Variants in CTNNA2 observed in about 807,000 individuals in gnomAD.
The protein encoded by CTNNA2 is catenin alpha-2.
In CTNNA2, 42 loss-of-function variants were observed where a neutral mutation model predicts 101.0. That is an observed-to-expected ratio of 0.42 (90% CI 0.32 to 0.54). The LOEUF is 0.54. Among genes scored for constraint, CTNNA2 ranks in the 20% least tolerant of loss-of-function variants. The pLI, the probability that CTNNA2 is intolerant of heterozygous loss-of-function variation, is 0.14. For synonymous variants in CTNNA2, 450 were observed against 456.4 expected (o/e 0.99, Z 0.18); for missense variants, 871 against 1,223.1 (o/e 0.71, Z 4.29).
chr2:80,353,841 A>G (rs1673535986), intron 7 of CTNNA2, among the ~76,000 whole-genome samples: 1 of 152,196 alleles, frequency 6.6e-6, no homozygotes. Context: ...ACTAAATAAT[A>G]TCTTAGTGGC....
intron 6 of CTNNA2, among the ~76,000 whole-genome samples, chr2:79,875,993 A>G (rs938378143): frequency 1.3e-5 from 2 of 150,756 alleles, no homozygotes; most frequent in Non-Finnish European, 2.9e-5. Flanking sequence ...TTATTTTATT[A>G]TTTCTTATAT....
intron 9 of CTNNA2, among the ~76,000 whole-genome samples, chr2:80,450,139 G>T (rs1345150899): frequency 6.6e-6 from 1 of 152,084 alleles, no homozygotes; most frequent in Non-Finnish European, 1.5e-5. Flanking sequence ...CAGAACACTA[G>T]TTCTTAAGAT....
intron 3 of CTNNA2, among the ~76,000 whole-genome samples, chr2:79,765,103 T>C (rs1673051376): frequency 6.6e-6 from 1 of 152,172 alleles, no homozygotes; most frequent in African/African-American, 2.4e-5. Context: ...TTTAATAAGT[T>C]TTTGGTTTGT....
At chr2:80,094,834 T>G (rs28874320) in intron 7 of CTNNA2, among the ~76,000 whole-genome samples, 24,075 of 152,148 alleles carry the variant, frequency 0.16, 2,079 homozygotes, top group South Asian at 0.37. Flanking sequence ...TAAGAATGCT[T>G]GTGATTTTTG....
intron 18 of CTNNA2, among the ~76,000 whole-genome samples, chr2:80,640,607 C>T (rs1300695824): frequency 6.6e-6 from 1 of 152,124 alleles, no homozygotes; most frequent in East Asian, 1.9e-4. Flanking sequence ...GCAGGTATTT[C>T]AAGATATTTC....
chr2:79,982,250 ATGTAC>A (rs1186693610), intron 7 of CTNNA2, among the ~76,000 whole-genome samples: 2 of 91,050 alleles, frequency 2.2e-5, no homozygotes, highest in African/African-American at 9.5e-5. Context: ...ATGTATGTAT[ATGTAC>A]ACACACACAT....
At chr2:80,352,601 G>T (rs1420874248) in intron 7 of CTNNA2, among the ~76,000 whole-genome samples, 2 of 152,046 alleles carry the variant, frequency 1.3e-5, no homozygotes, top group African/African-American at 4.8e-5. Flanking sequence ...TAAATACTTT[G>T]CTTCTAAGAA....
chr2:80,184,391 G>A (rs530730275), intron 7 of CTNNA2, among the ~76,000 whole-genome samples: 1 of 152,166 alleles, frequency 6.6e-6, no homozygotes, highest in East Asian at 1.9e-4. Flanking sequence ...ACAGTGCTTA[G>A]GGCTTTGATG....
chr2:79,215,302 T>A (rs1572982768), intron 2 of CTNNA2, among the ~76,000 whole-genome samples: 1 of 152,150 alleles, frequency 6.6e-6, no homozygotes, highest in Admixed American at 6.5e-5. Flanking sequence ...GAGGCGGGCC[T>A]GGAGGAACGC....
At chr2:80,335,828 G>T (rs994575053) in intron 7 of CTNNA2, among the ~76,000 whole-genome samples, 1 of 152,104 alleles carries the variant, frequency 6.6e-6, no homozygotes, top group Non-Finnish European at 1.5e-5. Flanking sequence ...GAAAATAATA[G>T]GTTATTAGAC....
At chr2:80,613,568 C>T (rs1029682893) in intron 17 of CTNNA2, among the ~76,000 whole-genome samples, 16 of 151,134 alleles carry the variant, frequency 1.1e-4, no homozygotes, top group South Asian at 4.1e-4. Flanking sequence ...GAAAGTGACT[C>T]TTCAGTTACA....
At chr2:80,069,706 G>A (rs573780427) in intron 7 of CTNNA2, among the ~76,000 whole-genome samples, 18 of 151,212 alleles carry the variant, frequency 1.2e-4, no homozygotes, top group South Asian at 6.3e-4. Flanking sequence ...ATATATGTAC[G>A]TGTGTGTGTG....
rs147697255 is a variant in CTNNA2, at chr2:79,430,556, T to C, written c.-135+56543T>C. The stretch of plus-strand genomic sequence containing the variant: ...ACCAACATTTACCATTAGAAATCCA[T>C]GTGTTTGTGTTATACTGAGTGCCAA... On this transcript the variant is annotated intron_variant, in intron 4 of 21. Transcript: ENST00000466387. 2.3e-4 allele frequency among the ~76,000 whole-genome samples: 35 copies of C among 152,280 alleles called. No individual in the cohort carries two copies. In the East Asian group the frequency reaches 6.8e-3, roughly 29 times the overall value.
At chr2:80,404,660 C>T (rs1030568804) in intron 8 of CTNNA2, among the ~76,000 whole-genome samples, 1 of 152,062 alleles carries the variant, frequency 6.6e-6, no homozygotes, top group African/African-American at 2.4e-5. Flanking sequence ...ATTCAGAAAT[C>T]GTGGGTTCGT....
intron 7 of CTNNA2, among the ~76,000 whole-genome samples, chr2:80,049,103 G>A (rs756671718): frequency 5.9e-5 from 9 of 152,182 alleles, no homozygotes; most frequent in Non-Finnish European, 1.3e-4. Flanking sequence ...ACATTAAATG[G>A]CAGTATATTT....
intron 9 of CTNNA2, among the ~76,000 whole-genome samples, chr2:80,420,320 A>AAAAT (rs1420576299): frequency 6.6e-6 from 1 of 152,120 alleles, no homozygotes; most frequent in Non-Finnish European, 1.5e-5. Flanking sequence ...AATACAATAG[A>AAAAT]AAATAGAGTT....
At chr2:80,554,697 G>T (rs1381764860) in intron 11 of CTNNA2, among the ~76,000 whole-genome samples, 1 of 152,096 alleles carries the variant, frequency 6.6e-6, no homozygotes, top group African/African-American at 2.4e-5. Context: ...CTACCCCTTT[G>T]GGAGTTAGAA....
At chr2:79,813,114 G>A (rs1677183541) in intron 3 of CTNNA2, among the ~76,000 whole-genome samples, 1 of 152,120 alleles carries the variant, frequency 6.6e-6, no homozygotes, top group South Asian at 2.1e-4. Flanking sequence ...CTAAAAGTAG[G>A]AAAGTCCTGG....
Position 79,883,832 on chromosome 2 carries a change from A to G in CTNNA2, c.852+9490A>G, listed in dbSNP as rs192380375. ...TTTCCAATATCTTTGAGATGCTTCAACATCTCAAAGATGTTAAATTATTTA... is the reference window on the plus strand; with the variant it reads ...TTTCCAATATCTTTGAGATGCTTCAGCATCTCAAAGATGTTAAATTATTTA... On this transcript the variant is annotated intron_variant, in intron 6 of 18. Transcript: ENST00000402739. Among the ~76,000 whole-genome samples the G allele has an allele frequency of 1.1e-4, 16 of 152,306 alleles. No individual in the cohort carries two copies. In the East Asian group the frequency reaches 3.1e-3, roughly 29 times the overall value.
Sources: allele counts gnomAD v4.1 joint callset (sites outside exome capture counted in the v4.1 genomes callset), GRCh38; gene constraint gnomAD v4.1.1; transcripts MANE v1.5; gene names NCBI Gene and HGNC (gene_info 2026-07-23, HGNC 2026-07-21).